The following BCL7A variants were observed in gnomAD, a reference collection of about 807,000 sequenced individuals.
BCL7A encodes BAF chromatin remodeling complex subunit BCL7A.
Under a neutral mutation model 28.4 loss-of-function variants are expected in BCL7A, and 11 were observed. That is an observed-to-expected ratio of 0.39 (90% CI 0.24 to 0.64). The LOEUF (loss-of-function observed/expected upper bound fraction) is 0.64, where lower values mean the gene tolerates loss of function less well. BCL7A is among the 30% of genes least tolerant of loss of function. The pLI, the probability that BCL7A is intolerant of heterozygous loss-of-function variation, is 0.50. For synonymous variants in BCL7A, 123 were observed against 103.3 expected, an observed-to-expected ratio of 1.19 and a Z score of -1.15; for missense variants, 222 against 274.8, an observed-to-expected ratio of 0.81 and a Z score of 1.36.
chr12:122,027,629 A>G (rs1169094), intron 1 of BCL7A, among the ~76,000 whole-genome samples: 50,911 of 151,960 alleles, frequency 0.34, 8,888 homozygotes, highest in East Asian at 0.56. Flanking sequence ...CCTGAGGTCA[A>G]GAGTTTGATG....
chr12:122,022,334 G>A (rs945698670), intron 1 of BCL7A, 151 bp downstream of exon 1: 4 of 311,522 alleles, frequency 1.3e-5, no homozygotes, highest in South Asian at 1.2e-4. Context: ...GCGGACGGGC[G>A]GGCGGCGCGC....
At chr12:122,035,453 C>T (rs1196220046) in intron 3 of BCL7A, 26 bp downstream of exon 3, 3 of 1,598,290 alleles carry the variant, frequency 1.9e-6, no homozygotes, top group Non-Finnish European at 2.6e-6. Flanking sequence ...CTGCCAGCCT[C>T]TCCTGCCCAG....
intron 2 of BCL7A, among the ~76,000 whole-genome samples, chr12:122,031,156 A>T (rs1011681585): frequency 1.7e-4 from 26 of 152,074 alleles, no homozygotes; most frequent in African/African-American, 5.6e-4. Context: ...CCTCCCGAGT[A>T]GCTGGGATTA....
Position 122,029,560 on chromosome 12 carries a change from G to C in BCL7A, c.93-1140G>C, listed in dbSNP as rs539524529. On this transcript the variant is annotated intron_variant, in intron 1 of 5. Transcript: ENST00000261822. The surrounding 1 kb of genome is among the most constrained non-coding windows in gnomAD (Gnocchi z 4.3). ...TTGTCACCAAAATTGCTGAGGACTC[G>C]GGCAGCTACGTCGCCTGTACCAGGG... is the stretch of plus-strand genomic sequence containing the variant. Among the ~76,000 whole-genome samples the C allele has an allele frequency of 6.6e-6, 1 of 152,182 alleles. No homozygotes were observed. Among genetic ancestry groups the C allele is most frequent in the African/African-American group, 2.4e-5 (1 of 41,436 alleles).
At chr12:122,057,593 G>A (rs1158768991) in intron 5 of BCL7A, among the ~76,000 whole-genome samples, 1 of 152,128 alleles carries the variant, frequency 6.6e-6, no homozygotes, top group Non-Finnish European at 1.5e-5. Context: ...TTTCTCCCAG[G>A]CTGATGGGGA....
chr12:122,022,506 G>A (rs1179475337), intron 1 of BCL7A, among the ~76,000 whole-genome samples: 3 of 145,734 alleles, frequency 2.1e-5, no homozygotes, highest in Admixed American at 1.4e-4. Context: ...CGGGAGGGGG[G>A]CTCGGGGCCG....
chr12:122,061,455 G>C lies in BCL7A; in HGVS notation c.*2292G>C, dbSNP rs1951921786. Reference sequence around the variant, plus strand: ...CGCCAGGCAAAGCGCCAGCAGCCCTGCACTCCACGCTGGCCAAGAAGGCCT... The same window carrying C: ...CGCCAGGCAAAGCGCCAGCAGCCCTCCACTCCACGCTGGCCAAGAAGGCCT... On this transcript the variant is annotated 3_prime_UTR_variant, in exon 6 of 6. Coordinates refer to ENST00000261822, the MANE Select transcript of BCL7A (RefSeq NM_001024808.3). 4.3e-6 allele frequency: 1 copy of C among 231,966 alleles called. No individual in the cohort carries two copies. Among genetic ancestry groups the C allele is most frequent in the African/African-American group, 2.2e-5 (1 of 45,282 alleles). 14.4% of individuals were successfully genotyped at this position (231,966 alleles called of 1,614,324 possible). A position where few individuals can be genotyped will look rare whatever the true frequency, so the allele number is the denominator to read the frequency against.
chr12:122,045,391 T>C (rs887515200), intron 4 of BCL7A, among the ~76,000 whole-genome samples: 1 of 151,918 alleles, frequency 6.6e-6, no homozygotes, highest in Non-Finnish European at 1.5e-5. Context: ...AGAAAAATTT[T>C]AAAAAGTTAA....
chr12:122,051,085 C>T (rs1010789636), intron 4 of BCL7A, among the ~76,000 whole-genome samples: 10 of 152,160 alleles, frequency 6.6e-5, no homozygotes, highest in Admixed American at 4.6e-4. Flanking sequence ...TCTAGAAGCC[C>T]GATTTGAGCT....
chr12:122,049,486 A>G (rs1173599592), intron 4 of BCL7A, among the ~76,000 whole-genome samples: 1 of 152,064 alleles, frequency 6.6e-6, no homozygotes, highest in Non-Finnish European at 1.5e-5. Context: ...GTTTGAGACC[A>G]GCCTGGCCAA....
chr12:122,023,185 C>T (rs553036578), intron 1 of BCL7A, among the ~76,000 whole-genome samples: 1 of 152,164 alleles, frequency 6.6e-6, no homozygotes, highest in Non-Finnish European at 1.5e-5. Flanking sequence ...GAGGCGCAAG[C>T]AGATCGCCAG....
chr12:122,033,285 A>G (rs1883780571), intron 2 of BCL7A, among the ~76,000 whole-genome samples: 1 of 151,910 alleles, frequency 6.6e-6, no homozygotes, highest in South Asian at 2.1e-4. Flanking sequence ...GCAGGCATGC[A>G]TACCTGGCTA....
At chr12:122,048,952 C>T (rs574878665) in intron 4 of BCL7A, among the ~76,000 whole-genome samples, 3 of 144,990 alleles carry the variant, frequency 2.1e-5, no homozygotes, top group South Asian at 2.2e-4. Context: ...ACCCAGGAGG[C>T]GGAGGTTTTA....
At chr12:122,023,312 G>A (rs2135834373) in intron 1 of BCL7A, among the ~76,000 whole-genome samples, 1 of 152,338 alleles carries the variant, frequency 6.6e-6, no homozygotes, top group East Asian at 1.9e-4. Context: ...GGCTCTGAGT[G>A]TCAGCGCCCG....
At chr12:122,054,383 G>A (rs1358974657) in intron 4 of BCL7A, among the ~76,000 whole-genome samples, 1 of 152,196 alleles carries the variant, frequency 6.6e-6, no homozygotes, top group Non-Finnish European at 1.5e-5. Context: ...CACCGTGCCC[G>A]GCCAAATACC....
intron 1 of BCL7A, among the ~76,000 whole-genome samples, chr12:122,025,418 A>C (rs1883602159): frequency 6.6e-6 from 1 of 151,508 alleles, no homozygotes; most frequent in South Asian, 2.1e-4. Flanking sequence ...AGGTCAGGAG[A>C]TCAAGACCAT....
chr12:122,056,969 G>A (rs1951882623), intron 5 of BCL7A, among the ~76,000 whole-genome samples: 1 of 152,194 alleles, frequency 6.6e-6, no homozygotes, highest in South Asian at 2.1e-4. Context: ...ATTTATCTCT[G>A]AGAACCCACC....
In BCL7A at chr12:122,060,099, G is replaced by T. The variant is rs1487184030; in HGVS notation, c.*936G>T. ...CTCCTTAAGGCACTGAGTGGGCCGG[G>T]GAGGCTGGGAGCCGGCGGCAGGATT... On this transcript the variant is annotated 3_prime_UTR_variant, in exon 6 of 6. Coordinates refer to ENST00000261822, the MANE Select transcript of BCL7A (RefSeq NM_001024808.3). 1.7e-5 allele frequency: 4 copies of T among 233,202 alleles called. No homozygotes were observed. The highest frequency in any genetic ancestry group is 3.4e-5 in the Non-Finnish European group (4 of 117,826). 14.4% of individuals were successfully genotyped at this position (233,202 alleles called of 1,614,324 possible).
rs1273489225 is a variant in BCL7A at position 122,060,282 on chromosome 12, ACT to A, written c.*1122_*1123del. The A allele has an allele frequency of 4.3e-6, 1 of 232,592 alleles. No homozygotes were observed. Among genetic ancestry groups the A allele is most frequent in the East Asian group, 6.1e-5 (1 of 16,464 alleles). 14.4% of individuals were successfully genotyped at this position (232,592 alleles called of 1,614,324 possible). A position where few individuals can be genotyped will look rare whatever the true frequency, so the allele number is the denominator to read the frequency against. ...GCTTTCCTATTCTCAGGCTGTTCTGACTCTGAGCCAACAGCTGGACCGTGTCT... is the reference window on the plus strand; with the variant it reads ...GCTTTCCTATTCTCAGGCTGTTCTGACTGAGCCAACAGCTGGACCGTGTCT... On this transcript the variant is annotated 3_prime_UTR_variant, in exon 6 of 6. Transcript: ENST00000261822.
Sources: allele counts gnomAD v4.1 joint callset (sites outside exome capture counted in the v4.1 genomes callset), GRCh38; gene constraint gnomAD v4.1.1; non-coding constraint Gnocchi (gnomAD v3.1); transcripts MANE v1.5; gene names NCBI Gene and HGNC (gene_info 2026-07-23, HGNC 2026-07-21).